The following UNC5C variants were observed in gnomAD, a reference collection of about 807,000 sequenced individuals.
UNC5C encodes the protein unc-5 netrin receptor C, also known as netrin receptor UNC5C.
Under a neutral mutation model 99.8 loss-of-function variants are expected in UNC5C, and 47 were observed. That is an observed-to-expected ratio of 0.47 (90% CI 0.37 to 0.60). The LOEUF is 0.60. UNC5C is among the 20% of genes least tolerant of loss of function. The pLI is 0.00. For synonymous variants in UNC5C, 487 were observed against 452.2 expected (o/e 1.08, Z -0.98); for missense variants, 1,062 against 1,165.9 (o/e 0.91, Z 1.30).
At chr4:95,494,577 T>A (rs1721581800) in intron 1 of UNC5C, among the ~76,000 whole-genome samples, 1 of 151,434 alleles carries the variant, frequency 6.6e-6, no homozygotes, top group Non-Finnish European at 1.5e-5. Context: ...CCTTCCCATA[T>A]TAAACACAAT....
chr4:95,444,573 C>A (rs889156356), intron 1 of UNC5C, among the ~76,000 whole-genome samples: 6 of 152,094 alleles, frequency 3.9e-5, no homozygotes, highest in African/African-American at 7.2e-5. Context: ...CCTCGTGATC[C>A]GCCCGCCTCA....
At chr4:95,401,131 C>A (rs972164572) in intron 1 of UNC5C, among the ~76,000 whole-genome samples, 1 of 151,830 alleles carries the variant, frequency 6.6e-6, no homozygotes, top group African/African-American at 2.4e-5. Flanking sequence ...AGGTATTTTT[C>A]TTTTTTATTC....
At chr4:95,362,850 A>C (rs1744436630) in intron 1 of UNC5C, among the ~76,000 whole-genome samples, 1 of 152,222 alleles carries the variant, frequency 6.6e-6, no homozygotes, top group Non-Finnish European at 1.5e-5. Flanking sequence ...ATGAAGATCA[A>C]GAAAATGAAA....
At chr4:95,227,916 C>G (rs915086093) in intron 7 of UNC5C, among the ~76,000 whole-genome samples, 3 of 152,158 alleles carry the variant, frequency 2.0e-5, no homozygotes, top group Non-Finnish European at 2.9e-5. Flanking sequence ...GAACGAATGA[C>G]TTTTTTCTAA....
At chr4:95,246,529 C>T (rs60269430) in intron 5 of UNC5C, among the ~76,000 whole-genome samples, 6,961 of 152,106 alleles carry the variant, frequency 0.046, 532 homozygotes, top group African/African-American at 0.16. Flanking sequence ...CACTACACTC[C>T]AGCCTGGGCA....
At chr4:95,380,500 G>A (rs143885976) in intron 1 of UNC5C, among the ~76,000 whole-genome samples, 16 of 143,826 alleles carry the variant, frequency 1.1e-4, no homozygotes, top group African/African-American at 3.1e-4. Flanking sequence ...GGCTGGTCTC[G>A]AACTCCTGGC....
chr4:95,217,840 T>A (rs1253549358), intron 9 of UNC5C, among the ~76,000 whole-genome samples: 1 of 152,200 alleles, frequency 6.6e-6, no homozygotes, highest in Non-Finnish European at 1.5e-5. Flanking sequence ...TTTAAAATCA[T>A]GATTTTAAAG....
At chr4:95,328,902 G>A (rs577150185) in intron 2 of UNC5C, among the ~76,000 whole-genome samples, 68 of 152,238 alleles carry the variant, frequency 4.5e-4, no homozygotes, top group African/African-American at 1.2e-3. Flanking sequence ...GGAGCCCAAA[G>A]GCACTCGCCC....
intron 1 of UNC5C, among the ~76,000 whole-genome samples, chr4:95,422,742 A>G (rs920430742): frequency 6.6e-6 from 1 of 152,200 alleles, no homozygotes; most frequent in Admixed American, 6.5e-5. Flanking sequence ...TACGGTGTGC[A>G]TGTTAATACG....
At position 95,453,365 on chromosome 4, in the gene UNC5C, T is replaced by A. The variant is rs28455973; in HGVS notation, c.124+95369A>T. The stretch of plus-strand genomic sequence containing the variant: ...TATGCTAATAAAGCCAAATGTTGGA[T>A]AAGACAAGGTAAGGTCAATTTTAAT... On this transcript the variant is annotated intron_variant, in intron 1 of 15. Coordinates refer to ENST00000453304, the MANE Select transcript of UNC5C (RefSeq NM_003728.4). Among the ~76,000 whole-genome samples the A allele has an allele frequency of 8.2e-3, 1,246 of 152,062 alleles. 23 individuals are homozygous for A. Among genetic ancestry groups the A allele is most frequent in the African/African-American group, 0.029 (1,196 of 41,460 alleles).
intron 4 of UNC5C, among the ~76,000 whole-genome samples, chr4:95,268,405 A>G (rs1167231177): frequency 6.6e-6 from 1 of 152,200 alleles, no homozygotes; most frequent in African/African-American, 2.4e-5. Flanking sequence ...AGGAAAGACC[A>G]ATTAAATTCT....
At chr4:95,198,070 C>G (rs1459030723) in intron 12 of UNC5C, among the ~76,000 whole-genome samples, 1 of 151,092 alleles carries the variant, frequency 6.6e-6, no homozygotes, top group Non-Finnish European at 1.5e-5. Flanking sequence ...TCACTGCAGC[C>G]TCCGCCTCCC....
intron 10 of UNC5C, among the ~76,000 whole-genome samples, chr4:95,209,092 T>C (rs1433027078): frequency 6.6e-6 from 1 of 152,170 alleles, no homozygotes; most frequent in East Asian, 1.9e-4. Context: ...AAGACTCAGG[T>C]TCCCTAAGCT....
At chr4:95,507,646 A>T (rs1425337608) in intron 1 of UNC5C, among the ~76,000 whole-genome samples, 5 of 151,864 alleles carry the variant, frequency 3.3e-5, no homozygotes, top group African/African-American at 1.2e-4. Context: ...CCTGATCACA[A>T]CCATCATGTT....
At chr4:95,372,030 T>C (rs1460877702) in intron 1 of UNC5C, among the ~76,000 whole-genome samples, 1 of 152,192 alleles carries the variant, frequency 6.6e-6, no homozygotes, top group Non-Finnish European at 1.5e-5. Flanking sequence ...CAATGCCTCC[T>C]GAAACCATTT....
chr4:95,383,257 G>A (rs1457356633), intron 1 of UNC5C, among the ~76,000 whole-genome samples: 1 of 137,622 alleles, frequency 7.3e-6, no homozygotes, highest in Non-Finnish European at 1.5e-5. Context: ...AAATATGTGT[G>A]TGTTTACACA....
intron 2 of UNC5C, among the ~76,000 whole-genome samples, chr4:95,309,617 G>C (rs184824085): frequency 6.6e-6 from 1 of 152,218 alleles, no homozygotes; most frequent in Admixed American, 6.5e-5. Flanking sequence ...AAACTGGGCA[G>C]AGGATCCCAA....
chr4:95,480,441 C>T (rs576928448), intron 1 of UNC5C, among the ~76,000 whole-genome samples: 14 of 151,906 alleles, frequency 9.2e-5, no homozygotes, highest in Non-Finnish European at 1.6e-4. Context: ...ATAAATGCTA[C>T]CATTTTCATG....
At chr4:95,287,898 C>T (rs1232534441) in intron 3 of UNC5C, among the ~76,000 whole-genome samples, 1 of 152,078 alleles carries the variant, frequency 6.6e-6, no homozygotes, top group Non-Finnish European at 1.5e-5. Context: ...AATCTTGGTG[C>T]TTGGTGCTGG....
Sources: gnomAD v4.1 joint callset for allele counts (sites outside exome capture counted in the v4.1 genomes callset) on GRCh38, gnomAD v4.1.1 for gene constraint, MANE v1.5 for transcripts, NCBI Gene and HGNC (gene_info 2026-07-23, HGNC 2026-07-21) for gene names.